Variants in PDE4B observed in about 807,000 individuals in gnomAD.
PDE4B encodes the protein 3',5'-cyclic-AMP phosphodiesterase 4B.
A neutral mutation model predicts 82.2 loss-of-function variants in PDE4B; 20 were observed. The ratio of observed to expected loss-of-function variants is 0.24; its 90% CI spans 0.17 to 0.35. The LOEUF (loss-of-function observed/expected upper bound fraction) is 0.35, where lower values mean the gene tolerates loss of function less well. PDE4B is among the 10% of genes least tolerant of loss of function. The pLI is 1.00. For missense variants in PDE4B, 655 were observed against 907.2 expected (o/e 0.72, Z 3.57); for synonymous variants, 320 against 318.9 (o/e 1.00, Z -0.04).
chr1:65,995,434 C>T (rs2503187), intron 3 of PDE4B, among the ~76,000 whole-genome samples: 115,389 of 152,000 alleles, frequency 0.76, 44,037 homozygotes, highest in African/African-American at 0.83. Flanking sequence ...CGGGGAACCC[C>T]GATAAAGTCT....
intron 3 of PDE4B, among the ~76,000 whole-genome samples, chr1:66,137,662 C>T (rs1339493108): frequency 6.6e-6 from 1 of 152,162 alleles, no homozygotes; most frequent in Non-Finnish European, 1.5e-5. Context: ...GTCCCCAGAT[C>T]ATCAGGTTAT....
chr1:65,920,968 T>TTC (rs1647228493), intron 3 of PDE4B, among the ~76,000 whole-genome samples: 2 of 133,270 alleles, frequency 1.5e-5, no homozygotes, highest in Non-Finnish European at 3.2e-5. Context: ...TCTTTTTTTT[T>TTC]TTTTTTTTTT....
intron 1 of PDE4B, among the ~76,000 whole-genome samples, chr1:65,795,441 A>G (rs1394379154): frequency 6.6e-6 from 1 of 152,230 alleles, no homozygotes; most frequent in Non-Finnish European, 1.5e-5. Flanking sequence ...TCCTTCAGGC[A>G]CTGGCTATTG....
rs562175266 is a variant in PDE4B, at chr1:66,117,197, A to T, written c.282-130263A>T. 2.4e-4 allele frequency among the ~76,000 whole-genome samples: 36 copies of T among 152,304 alleles called. 2 individuals carry two copies. In the South Asian group the frequency reaches 7.1e-3, roughly 30 times the overall value. ...TAGGTTGTAGATTATTCACAATTCC[A>T]TTGGCTCAAGCTATATTCCATCACT... On this transcript the variant is annotated intron_variant, in intron 3 of 16. Transcript: ENST00000341517.
chr1:66,128,078 C>T (rs960581898), intron 3 of PDE4B, among the ~76,000 whole-genome samples: 2 of 152,054 alleles, frequency 1.3e-5, no homozygotes, highest in Non-Finnish European at 2.9e-5. Flanking sequence ...TCTAATAATA[C>T]CATGTGTTTG....
At chr1:66,084,771 T>A (rs576838945) in intron 3 of PDE4B, among the ~76,000 whole-genome samples, 2 of 152,138 alleles carry the variant, frequency 1.3e-5, no homozygotes, top group African/African-American at 4.8e-5. Flanking sequence ...TCTGTCTAGG[T>A]TTTAGTAGAA....
chr1:65,812,500 A>G (rs913717536), intron 1 of PDE4B, among the ~76,000 whole-genome samples: 2 of 152,172 alleles, frequency 1.3e-5, no homozygotes, highest in South Asian at 2.1e-4. Context: ...GGTTTTAACT[A>G]TAGGTTGGTG....
intron 3 of PDE4B, among the ~76,000 whole-genome samples, chr1:66,071,249 G>C (rs1029487721): frequency 2.0e-5 from 3 of 151,830 alleles, no homozygotes; most frequent in Admixed American, 6.6e-5. Flanking sequence ...ATTTTATTTT[G>C]GTTATTTTGG....
rs191369542 is a variant in PDE4B at position 65,992,777 on chromosome 1, T to C, written c.281+73942T>C. ...CTCTTGCTCTAAGACGCTCATACAT[T>C]GGAGTCACAGCTTCGTAAATTAAAC... On this transcript the variant is annotated intron_variant, in intron 3 of 16. Transcript: ENST00000341517. 112 of 1,421,508 alleles carry C rather than the reference T, an allele frequency of 7.9e-5. No homozygotes were observed. The Admixed American group carries it at 3.2e-3, about 41-fold the overall frequency. The allele number at this position is 1,421,508 out of a possible 1,614,324, so 88.1% of individuals were successfully genotyped here.
intron 4 of PDE4B, among the ~76,000 whole-genome samples, chr1:66,249,177 C>A (rs1653561179): frequency 6.6e-6 from 1 of 152,194 alleles, no homozygotes; most frequent in African/African-American, 2.4e-5. Flanking sequence ...CAAGGCATTT[C>A]TGACAAAAGT....
At chr1:66,236,571 T>C (rs942372488) in intron 3 of PDE4B, among the ~76,000 whole-genome samples, 5 of 152,326 alleles carry the variant, frequency 3.3e-5, no homozygotes, top group African/African-American at 1.2e-4. Flanking sequence ...ATATGTTTGA[T>C]GAAAATCTTT....
At chr1:65,950,592 G>A (rs1648943311) in intron 3 of PDE4B, among the ~76,000 whole-genome samples, 1 of 152,060 alleles carries the variant, frequency 6.6e-6, no homozygotes, top group Admixed American at 6.6e-5. Context: ...GATCCTACAG[G>A]ACACTGGAGC....
At chr1:66,277,446 A>G (rs555924803) in intron 7 of PDE4B, among the ~76,000 whole-genome samples, 2 of 152,058 alleles carry the variant, frequency 1.3e-5, no homozygotes, top group East Asian at 1.9e-4. Context: ...TCCAGGCTGG[A>G]GTGCAGTGGC....
rs1380821082 is a variant in PDE4B at position 65,798,416 on chromosome 1, G to A, written c.-71+5168G>A. Among the ~76,000 whole-genome samples the A allele has an allele frequency of 2.3e-5, 2 of 87,890 alleles. 1 individual carries two copies. The highest frequency in any genetic ancestry group is 3.9e-5 in the Non-Finnish European group (2 of 51,648). The allele number at this position is 87,890 out of a possible 152,430, so 57.7% of individuals were successfully genotyped here. The stretch of plus-strand genomic sequence containing the variant: ...TGGGACTACAGGCGCCCGCCACCGC[G>A]CCCGGCTAATTTTTTGTATTTTTAG... On this transcript the variant is annotated intron_variant, in intron 1 of 16. Transcript: ENST00000341517.
intron 3 of PDE4B, among the ~76,000 whole-genome samples, chr1:66,132,660 C>T (rs1645974225): frequency 6.6e-6 from 1 of 152,118 alleles, no homozygotes; most frequent in Non-Finnish European, 1.5e-5. Context: ...GACTGCGTGA[C>T]TGGATTATTT....
intron 1 of PDE4B, among the ~76,000 whole-genome samples, chr1:65,866,853 G>A (rs1646517395): frequency 6.6e-6 from 1 of 152,188 alleles, no homozygotes. Flanking sequence ...CAGCTGCAAT[G>A]TATGACTCAT....
intron 10 of PDE4B, 91 bp downstream of exon 10, chr1:66,361,884 T>C: frequency 9.7e-7 from 1 of 1,033,224 alleles, no homozygotes; most frequent in Non-Finnish European, 1.4e-6. Context: ...ATGGATTGCT[T>C]TTGCATTATT....
At chr1:66,093,411 G>T (rs1645061603) in intron 3 of PDE4B, among the ~76,000 whole-genome samples, 1 of 152,014 alleles carries the variant, frequency 6.6e-6, no homozygotes, top group Non-Finnish European at 1.5e-5. Context: ...GCATACCCTG[G>T]ATGACATGAT....
intron 3 of PDE4B, among the ~76,000 whole-genome samples, chr1:66,100,463 C>A (rs775075278): frequency 6.6e-6 from 1 of 152,092 alleles, no homozygotes; most frequent in Non-Finnish European, 1.5e-5. Flanking sequence ...AGAACAATGA[C>A]TAGTACATGT....
Sources: gnomAD v4.1 joint callset for allele counts (sites outside exome capture counted in the v4.1 genomes callset) on GRCh38, gnomAD v4.1.1 for gene constraint, MANE v1.5 for transcripts, NCBI Gene and HGNC (gene_info 2026-07-23, HGNC 2026-07-21) for gene names.